LRRTM4: variants seen among roughly 807,000 people sequenced by gnomAD.
The protein encoded by LRRTM4 is leucine rich repeat transmembrane neuronal 4.
LRRTM4 carries 25 observed loss-of-function variants against 47.6 expected under a neutral mutation model. That is an observed-to-expected ratio of 0.53 (90% CI 0.38 to 0.73). The LOEUF (loss-of-function observed/expected upper bound fraction) is 0.73. LRRTM4 is among the 30% of genes least tolerant of loss of function. LRRTM4 has a pLI of 0.00. For synonymous variants in LRRTM4, 311 were observed against 269.5 expected (o/e 1.15, Z -1.51); for missense variants, 638 against 713.4 (o/e 0.89, Z 1.20).
chr2:77,347,587 G>GT (rs931047693), intron 3 of LRRTM4, among the ~76,000 whole-genome samples: 1 of 151,884 alleles, frequency 6.6e-6, no homozygotes, highest in African/African-American at 2.4e-5. Flanking sequence ...GATTAGTTGT[G>GT]TTTTTTAAAT....
chr2:76,803,335 T>C (rs898939727), intron 3 of LRRTM4, among the ~76,000 whole-genome samples: 4 of 152,084 alleles, frequency 2.6e-5, no homozygotes, highest in Admixed American at 6.6e-5. Flanking sequence ...AGCCAATTAA[T>C]ATATGCAAAA....
intron 3 of LRRTM4, among the ~76,000 whole-genome samples, chr2:76,942,669 T>C (rs1675187874): frequency 1.4e-5 from 2 of 138,666 alleles, no homozygotes; most frequent in East Asian, 4.7e-4. Context: ...AACCAACCTC[T>C]AGGAATCTGT....
chr2:77,363,404 T>C (rs1672315225), intron 3 of LRRTM4, among the ~76,000 whole-genome samples: 1 of 152,152 alleles, frequency 6.6e-6, no homozygotes, highest in South Asian at 2.1e-4. Context: ...ATATAGCATC[T>C]CGCCTTGAAC....
At chr2:77,230,318 CA>C (rs932562808) in intron 3 of LRRTM4, among the ~76,000 whole-genome samples, 1 of 152,008 alleles carries the variant, frequency 6.6e-6, no homozygotes, top group African/African-American at 2.4e-5. Context: ...TACTGTTGGG[CA>C]TACACCATAC....
intron 3 of LRRTM4, among the ~76,000 whole-genome samples, chr2:77,032,224 C>T (rs1298043460): frequency 6.6e-6 from 1 of 152,164 alleles, no homozygotes; most frequent in East Asian, 1.9e-4. Context: ...TTCCCTTCTT[C>T]TGAAGCAATT....
At chr2:76,918,753 G>C (rs933887035) in intron 3 of LRRTM4, among the ~76,000 whole-genome samples, 1 of 152,108 alleles carries the variant, frequency 6.6e-6, no homozygotes, top group Non-Finnish European at 1.5e-5. Flanking sequence ...CTCAGTTGCA[G>C]CTAAGCGTGG....
chr2:76,910,279 A>T (rs1435023436), intron 3 of LRRTM4, among the ~76,000 whole-genome samples: 1 of 145,484 alleles, frequency 6.9e-6, no homozygotes. Flanking sequence ...TCTCACTCAT[A>T]GGTGGGAATT....
intron 3 of LRRTM4, among the ~76,000 whole-genome samples, chr2:76,881,292 T>C (rs73940084): frequency 0.014 from 2,156 of 152,178 alleles, 53 homozygotes; most frequent in African/African-American, 0.05. Flanking sequence ...CAAAATGAAA[T>C]GATTTTAGAC....
intron 3 of LRRTM4, among the ~76,000 whole-genome samples, chr2:77,061,296 C>G (rs1270211971): frequency 6.6e-6 from 1 of 151,940 alleles, no homozygotes; most frequent in Non-Finnish European, 1.5e-5. Context: ...TTGCTAATGC[C>G]AGTATTTCAA....
chr2:76,940,851 A>C (rs1675114623), intron 3 of LRRTM4, among the ~76,000 whole-genome samples: 1 of 151,750 alleles, frequency 6.6e-6, no homozygotes, highest in African/African-American at 2.4e-5. Flanking sequence ...CAAAAAAATC[A>C]CTCTCTCAGG....
At chr2:77,020,417 T>C (rs190359620) in intron 3 of LRRTM4, among the ~76,000 whole-genome samples, 235 of 152,248 alleles carry the variant, frequency 1.5e-3, no homozygotes, top group African/African-American at 5.2e-3. Context: ...TGCACCAACA[T>C]AATACTTTAG....
At chr2:77,392,355 G>A (rs1673537612) in intron 3 of LRRTM4, among the ~76,000 whole-genome samples, 1 of 151,780 alleles carries the variant, frequency 6.6e-6, no homozygotes, top group Non-Finnish European at 1.5e-5. Flanking sequence ...AACCGCCTTG[G>A]GCACATGTTC....
In LRRTM4 at chr2:77,399,274, C is replaced by G. The variant is rs368974766; in HGVS notation, c.1551+119044G>C. 2.3e-4 allele frequency among the ~76,000 whole-genome samples: 35 copies of G among 151,420 alleles called. No individual in the cohort carries two copies. In the East Asian group the frequency reaches 6.6e-3, roughly 29 times the overall value. Reference sequence around the variant, plus strand: ...TATGTTGTTTTGAAATATGTATACACTTTAGAATGGCTAAATTGAGCTAAT... The same window carrying G: ...TATGTTGTTTTGAAATATGTATACAGTTTAGAATGGCTAAATTGAGCTAAT... On this transcript the variant is annotated intron_variant, in intron 3 of 3. Transcript: ENST00000409884.
At chr2:77,335,644 A>C (rs575543367) in intron 3 of LRRTM4, among the ~76,000 whole-genome samples, 1 of 152,284 alleles carries the variant, frequency 6.6e-6, no homozygotes, top group African/African-American at 2.4e-5. Context: ...TGTTACTTCT[A>C]AATAATATTC....
chr2:76,974,173 C>CATACATAT (rs1558771480), intron 3 of LRRTM4, among the ~76,000 whole-genome samples: 2 of 130,346 alleles, frequency 1.5e-5, no homozygotes, highest in Non-Finnish European at 3.2e-5. Context: ...TATATACATA[C>CATACATAT]ATATATATAC....
rs1673151521 is a variant in LRRTM4 at position 76,888,554 on chromosome 2, T to G, written c.1552-139638A>C. Among the ~76,000 whole-genome samples, 3 of 151,686 alleles carry G rather than the reference T, an allele frequency of 2.0e-5. No individual in the cohort carries two copies. The South Asian group carries it at 6.2e-4, about 31-fold the overall frequency. On this transcript the variant is annotated intron_variant, in intron 3 of 3. Coordinates refer to ENST00000409884, the MANE Select transcript of LRRTM4 (RefSeq NM_001134745.3). ...TAAAAATACACTTAAAGCTAAAAAG[T>G]AGCTAAACTTACTTCAAGTAAAAAA...
chr2:76,988,636 G>C (rs1349681208), intron 3 of LRRTM4, among the ~76,000 whole-genome samples: 1 of 151,690 alleles, frequency 6.6e-6, no homozygotes, highest in Non-Finnish European at 1.5e-5. Flanking sequence ...TTTTGTAGAG[G>C]CTATAAACTT....
intron 3 of LRRTM4, among the ~76,000 whole-genome samples, chr2:77,462,529 C>T (rs1174620218): frequency 6.6e-6 from 1 of 151,986 alleles, no homozygotes; most frequent in Non-Finnish European, 1.5e-5. Flanking sequence ...GTTAATAAAC[C>T]TCCTGCTATG....
intron 3 of LRRTM4, among the ~76,000 whole-genome samples, chr2:77,034,539 G>A (rs1215747735): frequency 6.6e-6 from 1 of 151,810 alleles, no homozygotes; most frequent in Admixed American, 6.6e-5. Flanking sequence ...CTATTTATGG[G>A]TGGAAGCTCT....
Sources: allele counts gnomAD v4.1 joint callset (sites outside exome capture counted in the v4.1 genomes callset), GRCh38; gene constraint gnomAD v4.1.1; transcripts MANE v1.5; gene names NCBI Gene and HGNC (gene_info 2026-07-23, HGNC 2026-07-21).